CCDC178: variants seen among roughly 807,000 people sequenced by gnomAD.
CCDC178 encodes coiled-coil domain containing 178.
CCDC178 carries 126 observed loss-of-function variants against 117.4 expected under a neutral mutation model. That is an observed-to-expected ratio of 1.07 (90% CI 0.93 to 1.24). The LOEUF is 1.24. Ranked by LOEUF, CCDC178 falls within the 50% of genes most tolerant of loss-of-function variation. The pLI is 0.00. For missense variants in CCDC178, 1,030 were observed against 986.9 expected (o/e 1.04, Z -0.59); for synonymous variants, 283 against 313.4 (o/e 0.90, Z 1.02).
At chr18:33,430,405 T>C (rs1376618361) in intron 2 of CCDC178, among the ~76,000 whole-genome samples, 1 of 152,246 alleles carries the variant, frequency 6.6e-6, no homozygotes, top group Non-Finnish European at 1.5e-5. Flanking sequence ...CAATTTCCTC[T>C]TTCTCAGAAA....
At chr18:33,148,878 C>T (rs142060615) in intron 20 of CCDC178, among the ~76,000 whole-genome samples, 10 of 152,296 alleles carry the variant, frequency 6.6e-5, no homozygotes, top group African/African-American at 2.2e-4. Context: ...GTCGCAGTGA[C>T]AATTGTTTGT....
chr18:33,378,181 T>C (rs1476374628), intron 5 of CCDC178, among the ~76,000 whole-genome samples: 1 of 152,038 alleles, frequency 6.6e-6, no homozygotes, highest in Admixed American at 6.5e-5. Flanking sequence ...GAGGCATTCT[T>C]AGATACTTTA....
At chr18:33,110,426 C>A (rs1306146749) in intron 20 of CCDC178, among the ~76,000 whole-genome samples, 2 of 151,446 alleles carry the variant, frequency 1.3e-5, no homozygotes, top group Non-Finnish European at 3.0e-5. Context: ...CTATGTATTT[C>A]TTTCATGGTT....
intron 4 of CCDC178, among the ~76,000 whole-genome samples, chr18:33,394,705 T>C (rs2063608115): frequency 6.6e-6 from 1 of 151,508 alleles, no homozygotes; most frequent in Admixed American, 6.6e-5. Context: ...TATTAAATAG[T>C]ACACTGTTTG....
At chr18:33,190,361 C>T (rs1379955321) in intron 20 of CCDC178, among the ~76,000 whole-genome samples, 1 of 152,142 alleles carries the variant, frequency 6.6e-6, no homozygotes, top group Non-Finnish European at 1.5e-5. Context: ...TGAGTCTTGA[C>T]TGATATAAAT....
chr18:33,064,080 C>T (rs1023482555), intron 21 of CCDC178, among the ~76,000 whole-genome samples: 3 of 152,092 alleles, frequency 2.0e-5, no homozygotes, highest in Admixed American at 6.5e-5. Context: ...GTGAGTTACA[C>T]TAAATGTGCA....
chr18:33,302,056 C>T (rs1412183932), intron 11 of CCDC178, among the ~76,000 whole-genome samples: 1 of 152,082 alleles, frequency 6.6e-6, no homozygotes, highest in Non-Finnish European at 1.5e-5. Flanking sequence ...TCATGAATGG[C>T]TTTGTGGTGT....
chr18:33,013,217 T>C (rs1202682997), intron 21 of CCDC178, among the ~76,000 whole-genome samples: 1 of 152,194 alleles, frequency 6.6e-6, no homozygotes. Context: ...TTTAGTGTTT[T>C]CACATTTCTT....
chr18:33,327,356 G>A (rs1258695168), intron 10 of CCDC178, among the ~76,000 whole-genome samples: 1 of 151,882 alleles, frequency 6.6e-6, no homozygotes, highest in Non-Finnish European at 1.5e-5. Context: ...AACAAACATT[G>A]GGCTGTTTCT....
intron 22 of CCDC178, among the ~76,000 whole-genome samples, chr18:32,957,596 G>A (rs879277738): frequency 6.6e-6 from 1 of 152,122 alleles, no homozygotes; most frequent in African/African-American, 2.4e-5. Flanking sequence ...TTTACTTAAT[G>A]CTTCAAATCA....
intron 7 of CCDC178, among the ~76,000 whole-genome samples, chr18:33,349,778 A>G (rs2062947083): frequency 6.6e-6 from 1 of 151,878 alleles, no homozygotes. Context: ...TATACATACC[A>G]AAAATCATAA....
intron 21 of CCDC178, among the ~76,000 whole-genome samples, chr18:33,040,665 A>T (rs1027336982): frequency 6.6e-6 from 1 of 152,016 alleles, no homozygotes; most frequent in Non-Finnish European, 1.5e-5. Context: ...ACTTCTCAAT[A>T]TTAACACACA....
chr18:33,080,193 T>C (rs959161863), intron 21 of CCDC178, among the ~76,000 whole-genome samples: 1 of 152,136 alleles, frequency 6.6e-6, no homozygotes, highest in African/African-American at 2.4e-5. Flanking sequence ...AAATCTCACA[T>C]GCTCTCACTT....
intron 20 of CCDC178, among the ~76,000 whole-genome samples, chr18:33,179,081 ATATATATATATAT>A (rs2058699508): frequency 3.2e-5 from 2 of 62,140 alleles, no homozygotes; most frequent in Non-Finnish European, 5.6e-5. Flanking sequence ...AAAAAAAAAT[ATATATATATATAT>A]ATATATATAT....
At position 33,372,889 on chromosome 18, in the gene CCDC178, C is replaced by T. The variant is rs143557563; in HGVS notation, c.209-2700G>A. On this transcript the variant is annotated intron_variant, in intron 5 of 22. Coordinates refer to ENST00000383096, the MANE Select transcript of CCDC178 (RefSeq NM_001105528.4). ...TTTGTATATGCACTTCCTTTATGTA[C>T]GTTACCCCAATTATTCTATCATCCC... Among the ~76,000 whole-genome samples the T allele has an allele frequency of 2.1e-3, 327 of 152,252 alleles. 1 individual carries two copies. The highest frequency in any genetic ancestry group is 3.0e-3 in the Non-Finnish European group (202 of 68,002).
Position 33,238,583 on chromosome 18 carries a change from C to T in CCDC178, c.1593+6662G>A, listed in dbSNP as rs1365935227. On this transcript the variant is annotated intron_variant, in intron 15 of 22. Coordinates refer to ENST00000383096, the MANE Select transcript of CCDC178 (RefSeq NM_001105528.4). ...AGAATTTATGAACCTGAAGACAAGT[C>T]TTTTGAAATAACAAGGCAGAGGAAA... Among the ~76,000 whole-genome samples the T allele has an allele frequency of 2.0e-5, 3 of 152,180 alleles. No individual in the cohort carries two copies. The East Asian group carries it at 5.8e-4, about 29-fold the overall frequency.
chr18:33,025,299 A>G (rs1041266542), intron 21 of CCDC178, among the ~76,000 whole-genome samples: 1 of 152,214 alleles, frequency 6.6e-6, no homozygotes, highest in Non-Finnish European at 1.5e-5. Context: ...AAACTATAAA[A>G]AATTCTAGAC....
intron 11 of CCDC178, among the ~76,000 whole-genome samples, chr18:33,304,463 G>A (rs75490203): frequency 0.01 from 1,527 of 152,268 alleles, 19 homozygotes; most frequent in South Asian, 0.053. Context: ...GATAAGTCAC[G>A]AATTTTTGCA....
intron 7 of CCDC178, among the ~76,000 whole-genome samples, chr18:33,354,749 T>C (rs2063030575): frequency 6.6e-6 from 1 of 151,986 alleles, no homozygotes; most frequent in Non-Finnish European, 1.5e-5. Flanking sequence ...TAGCTGGGAC[T>C]ACAAGTGCAG....
Sources: allele counts gnomAD v4.1 joint callset (sites outside exome capture counted in the v4.1 genomes callset), GRCh38; gene constraint gnomAD v4.1.1; transcripts MANE v1.5; gene names NCBI Gene and HGNC (gene_info 2026-07-23, HGNC 2026-07-21).